The following NELL2 variants were observed in gnomAD, a reference collection of about 807,000 sequenced individuals.
NELL2 encodes the protein protein kinase C-binding protein NELL2.
In NELL2, 41 loss-of-function variants were observed where a neutral mutation model predicts 109.6. The ratio of observed to expected loss-of-function variants is 0.37; its 90% CI spans 0.29 to 0.49. The LOEUF (loss-of-function observed/expected upper bound fraction) is 0.49, where lower values mean the gene tolerates loss of function less well. Among genes scored for constraint, NELL2 ranks in the 20% least tolerant of loss-of-function variants. The pLI, the probability that NELL2 is intolerant of heterozygous loss-of-function variation, is 0.98. For synonymous variants in NELL2, 355 were observed against 344.7 expected (o/e 1.03, Z -0.33); for missense variants, 900 against 1,008.3 (o/e 0.89, Z 1.45).
intron 1 of NELL2, among the ~76,000 whole-genome samples, chr12:44,912,773 G>A (rs1762804035): frequency 6.6e-6 from 1 of 152,086 alleles, no homozygotes; most frequent in South Asian, 2.1e-4. Flanking sequence ...AGTTAATGTG[G>A]CCAAAACAAA....
intron 2 of NELL2, among the ~76,000 whole-genome samples, chr12:44,867,559 T>C (rs1945036519): frequency 6.6e-6 from 1 of 152,000 alleles, no homozygotes; most frequent in South Asian, 2.1e-4. Context: ...TCCTCTAAAA[T>C]AAGGAAAAAG....
At chr12:44,698,829 A>G (rs1219482480) in intron 12 of NELL2, among the ~76,000 whole-genome samples, 1 of 152,210 alleles carries the variant, frequency 6.6e-6, no homozygotes, top group African/African-American at 2.4e-5. Flanking sequence ...TCTTGGTATA[A>G]TGTCAAAGGC....
At chr12:44,875,456 T>C in intron 1 of NELL2, 103 bp from the exon 2 acceptor site, 1 of 1,613,866 alleles carries the variant, frequency 6.2e-7, no homozygotes, top group Non-Finnish European at 8.5e-7. Flanking sequence ...GCGACAATAT[T>C]GGGAACTGAA....
chr12:44,913,949 T>C (rs911841048), upstream of NELL2: 4 of 364,392 alleles, frequency 1.1e-5, no homozygotes, highest in South Asian at 3.8e-5. Flanking sequence ...GCCAAAAACC[T>C]TGGAGTCATT....
intron 3 of NELL2, among the ~76,000 whole-genome samples, chr12:44,811,620 T>C (rs913915762): frequency 1.2e-4 from 18 of 152,032 alleles, no homozygotes; most frequent in Non-Finnish European, 2.2e-4. Context: ...CCACGAGTGC[T>C]GAAGCTACCA....
intron 15 of NELL2, among the ~76,000 whole-genome samples, chr12:44,544,464 C>A (rs560336218): frequency 4.9e-4 from 75 of 152,054 alleles, no homozygotes; most frequent in African/African-American, 1.8e-3. Flanking sequence ...TAGTCATATG[C>A]CATCTTTGGG....
At chr12:44,787,708 T>C (rs960997029) in intron 3 of NELL2, among the ~76,000 whole-genome samples, 2 of 151,968 alleles carry the variant, frequency 1.3e-5, no homozygotes, top group Non-Finnish European at 2.9e-5. Flanking sequence ...GAGAAAAATA[T>C]AGCTTTTTCA....
chr12:44,681,867 G>A (rs1484204612), intron 12 of NELL2, among the ~76,000 whole-genome samples: 22 of 151,552 alleles, frequency 1.5e-4, no homozygotes, highest in South Asian at 1.0e-3. Flanking sequence ...GAATAATGCC[G>A]CAATAAACAT....
intron 12 of NELL2, among the ~76,000 whole-genome samples, chr12:44,689,120 T>C (rs960392709): frequency 3.9e-5 from 6 of 152,182 alleles, no homozygotes; most frequent in African/African-American, 1.2e-4. Flanking sequence ...CACTCGGTGT[T>C]CCTATGAGTT....
intron 1 of NELL2, among the ~76,000 whole-genome samples, chr12:44,901,355 G>A (rs773337466): frequency 2.6e-4 from 39 of 152,160 alleles, no homozygotes; most frequent in Non-Finnish European, 4.6e-4. Flanking sequence ...CCAGGAAGAA[G>A]TCGAATCCCT....
At chr12:44,821,307 A>ATT (rs1943535541) in intron 2 of NELL2, among the ~76,000 whole-genome samples, 1 of 152,196 alleles carries the variant, frequency 6.6e-6, no homozygotes, top group South Asian at 2.1e-4. Context: ...GGGGATGACA[A>ATT]TTTCTGGGCC....
intron 3 of NELL2, among the ~76,000 whole-genome samples, chr12:44,782,131 G>A (rs374604523): frequency 4.6e-5 from 7 of 151,902 alleles, no homozygotes; most frequent in African/African-American, 1.7e-4. Context: ...TTATAAATGA[G>A]TGAGGGTAAA....
At chr12:44,845,302 A>G (rs570508458) in intron 2 of NELL2, among the ~76,000 whole-genome samples, 1 of 152,350 alleles carries the variant, frequency 6.6e-6, no homozygotes, top group South Asian at 2.1e-4. Flanking sequence ...CAAGTATTAT[A>G]ATTCCTGACT....
chr12:44,589,553 G>C (rs983656476), intron 15 of NELL2, among the ~76,000 whole-genome samples: 3 of 151,982 alleles, frequency 2.0e-5, no homozygotes, highest in Non-Finnish European at 2.9e-5. Context: ...GCTAATTTTT[G>C]TATTTTTAGT....
intron 13 of NELL2, among the ~76,000 whole-genome samples, chr12:44,663,091 T>C (rs1947806357): frequency 6.6e-6 from 1 of 152,208 alleles, no homozygotes; most frequent in Non-Finnish European, 1.5e-5. Flanking sequence ...TAGAAGACTT[T>C]GGTCACAAGG....
intron 2 of NELL2, among the ~76,000 whole-genome samples, chr12:44,821,601 G>C (rs1451330845): frequency 6.6e-6 from 1 of 152,170 alleles, no homozygotes; most frequent in African/African-American, 2.4e-5. Flanking sequence ...CAGAGACTCT[G>C]AGTTCCAATG....
intron 15 of NELL2, among the ~76,000 whole-genome samples, chr12:44,551,408 C>T (rs187565462): frequency 3.3e-5 from 5 of 152,252 alleles, no homozygotes; most frequent in African/African-American, 9.6e-5. Context: ...TTTATTCACT[C>T]ATGAGAATCT....
chr12:44,543,436 A>C (rs1942663738), intron 15 of NELL2, among the ~76,000 whole-genome samples: 1 of 152,178 alleles, frequency 6.6e-6, no homozygotes, highest in African/African-American at 2.4e-5. Flanking sequence ...ATTCTGAATC[A>C]TAGCAGTCAG....
At chr12:44,662,322 T>C (rs1470219321) in intron 13 of NELL2, among the ~76,000 whole-genome samples, 1 of 152,200 alleles carries the variant, frequency 6.6e-6, no homozygotes, top group Non-Finnish European at 1.5e-5. Context: ...ACATAATGTA[T>C]TGAATAGTGT....
Sources: gnomAD v4.1 joint callset for allele counts (sites outside exome capture counted in the v4.1 genomes callset) on GRCh38, gnomAD v4.1.1 for gene constraint, MANE v1.5 for transcripts, NCBI Gene and HGNC (gene_info 2026-07-23, HGNC 2026-07-21) for gene names.